The following PTPRF variants were observed in gnomAD, a reference collection of about 807,000 sequenced individuals.
PTPRF encodes the protein protein tyrosine phosphatase receptor type F.
PTPRF carries 59 observed loss-of-function variants against 201.8 expected under a neutral mutation model. That is an observed-to-expected ratio of 0.29 (90% CI 0.24 to 0.36). The LOEUF (loss-of-function observed/expected upper bound fraction) is 0.36. PTPRF is among the 10% of genes least tolerant of loss of function. The probability of loss-of-function intolerance (pLI) is 1.00; values close to 1 mark genes in which losing one functional copy is unlikely to be tolerated. For synonymous variants in PTPRF, 1,088 were observed against 1,089.7 expected (o/e 1.00, Z 0.03); for missense variants, 2,132 against 2,690.5 (o/e 0.79, Z 4.59).
At chr1:43,563,943 G>A (rs1190640871) in intron 5 of PTPRF, among the ~76,000 whole-genome samples, 1 of 152,150 alleles carries the variant, frequency 6.6e-6, no homozygotes, top group African/African-American at 2.4e-5. Flanking sequence ...CAACTGGGTT[G>A]AGTAGGGCGA....
At chr1:43,590,553 C>G (rs1207487752) in intron 8 of PTPRF, among the ~76,000 whole-genome samples, 1 of 152,210 alleles carries the variant, frequency 6.6e-6, no homozygotes, top group Admixed American at 6.5e-5. Context: ...CTCCCCTTCC[C>G]CTGCCTATTA....
chr1:43,533,916 A>G (rs943156834), intron 1 of PTPRF, among the ~76,000 whole-genome samples: 1 of 152,168 alleles, frequency 6.6e-6, no homozygotes, highest in African/African-American at 2.4e-5. Flanking sequence ...TGGGACTAAC[A>G]GCTATGTAGA....
At chr1:43,587,383 T>C (rs1649423763) in intron 7 of PTPRF, among the ~76,000 whole-genome samples, 1 of 152,146 alleles carries the variant, frequency 6.6e-6, no homozygotes, top group South Asian at 2.1e-4. Context: ...TGGAGAGAAA[T>C]ACATGGATTT....
At position 43,606,820 on chromosome 1, in the gene PTPRF, T is replaced by C. The variant is rs1307184836; in HGVS notation, c.3709T>C (p.Tyr1237His). The C allele has an allele frequency of 1.2e-6, 2 of 1,613,418 alleles. No homozygotes were observed. Among genetic ancestry groups the C allele is most frequent in the Non-Finnish European group, 1.7e-6 (2 of 1,179,862 alleles). Reference protein sequence around the residue: ...SLKEPMDQKRYASSPYSDEIV... With the variant: ...SLKEPMDQKRHASSPYSDEIV... ...GTTCTCCACCGGGCCACAGAAGCGC[T>C]ATGCCTCCAGCCCCTACTCGGATGA... The change falls in exon 21 of 34, where the codon TAT becomes CAT. Residue 1237 changes from tyrosine to histidine, a missense_variant. Physicochemically the swap from Tyr to His is moderately conservative, Grantham distance 83 (BLOSUM62 2). This residue lies in a region of PTPRF where 818 missense variants were observed against 915.3 expected (regional missense o/e 0.89). Transcript: ENST00000359947.
intron 5 of PTPRF, among the ~76,000 whole-genome samples, chr1:43,559,913 G>T (rs993750169): frequency 6.7e-6 from 1 of 149,992 alleles, no homozygotes; most frequent in Non-Finnish European, 1.5e-5. Context: ...GTGTGCGCGC[G>T]TGTGTACAGC....
Position 43,618,765 on chromosome 1 carries a change from A to C in PTPRF, c.4491+16A>C. The C allele has an allele frequency of 6.3e-7, 1 of 1,590,338 alleles. No homozygotes were observed. Among genetic ancestry groups the C allele is most frequent in the Non-Finnish European group, 8.6e-7 (1 of 1,160,668 alleles). On this transcript the variant is annotated intron_variant, in intron 26 of 33. Coordinates refer to ENST00000359947, the MANE Select transcript of PTPRF (RefSeq NM_002840.5). Reference sequence around the variant, plus strand: ...ACTCCACAAGGTATAGCCTTTCCCCAGTGCATATCTCTTACCCAGACACTG... The same window carrying C: ...ACTCCACAAGGTATAGCCTTTCCCCCGTGCATATCTCTTACCCAGACACTG...
At chr1:43,621,016 T>G in intron 32 of PTPRF, 24 bp downstream of exon 32, 1 of 1,610,168 alleles carries the variant, frequency 6.2e-7, no homozygotes, top group East Asian at 2.2e-5. Context: ...CCTGGAGGGC[T>G]GGGGTGGGTG....
chr1:43,620,857 T>G lies in PTPRF; in HGVS notation c.5384T>G (p.Ile1795Ser). ...TDARDGQSRT[I>S]RQFQFTDWPE... Reference sequence around the variant, plus strand: ...TCCCAGGATGGGCAGTCAAGGACAATCCGGCAGTTCCAGTTCACAGACTGG... The same window carrying G: ...TCCCAGGATGGGCAGTCAAGGACAAGCCGGCAGTTCCAGTTCACAGACTGG... The change falls in exon 32 of 34, where the codon ATC (isoleucine) becomes AGC (serine). Residue 1795 changes from isoleucine to serine, a missense_variant. Physicochemically the swap from Ile to Ser is moderately radical, Grantham distance 142. Coordinates refer to ENST00000359947, the MANE Select transcript of PTPRF (RefSeq NM_002840.5). 1 of 1,613,138 alleles carries G rather than the reference T, an allele frequency of 6.2e-7. No individual in the cohort carries two copies. Among genetic ancestry groups the G allele is most frequent in the Non-Finnish European group, 8.5e-7 (1 of 1,179,410 alleles).
In PTPRF at chr1:43,553,507, T is replaced by C. The variant is rs1453417778; in HGVS notation, c.107T>C (p.Ile36Thr). The C allele has an allele frequency of 6.2e-7, 1 of 1,614,074 alleles. No individual in the cohort carries two copies. Reference protein sequence around the residue: ...GAHGDSKPVFIKVPEDQTGLS... With the variant: ...GAHGDSKPVFTKVPEDQTGLS... ...TCTCTTCCAGGCAAACCTGTCTTCA[T>C]TAAAGTCCCTGAGGACCAGACTGGG... is the stretch of plus-strand genomic sequence containing the variant. The change falls in exon 4 of 34, where the codon ATT (isoleucine) becomes ACT (threonine). Residue 36 changes from isoleucine (I) to threonine (T), a missense_variant. By Grantham distance (89) the Ile-to-Thr change is moderately conservative. This residue lies in a region of PTPRF where 297 missense variants were observed against 454.0 expected (regional missense o/e 0.65). Coordinates refer to ENST00000359947, the MANE Select transcript of PTPRF (RefSeq NM_002840.5). This position sits in a 1 kb window ranked among gnomAD's most constrained non-coding sequence, Gnocchi z 4.1.
In PTPRF at chr1:43,622,266, C is replaced by T. The variant is rs1406910077; in HGVS notation, c.*263C>T. 4.0e-6 allele frequency: 2 copies of T among 501,600 alleles called. No individual in the cohort carries two copies. The highest frequency in any genetic ancestry group is 1.9e-5 in the African/African-American group (1 of 51,818). 31.1% of individuals were successfully genotyped at this position (501,600 alleles called of 1,614,324 possible). A position where few individuals can be genotyped will look rare whatever the true frequency, so the allele number is the denominator to read the frequency against. Reference sequence around the variant, plus strand: ...CCACCTGGAGCCCGCTTCAAGCTCTCTGTTGCGCTCCCGCATTTCTCATGC... The same window carrying T: ...CCACCTGGAGCCCGCTTCAAGCTCTTTGTTGCGCTCCCGCATTTCTCATGC... On this transcript the variant is annotated 3_prime_UTR_variant, in exon 34 of 34. Coordinates refer to ENST00000359947, the MANE Select transcript of PTPRF (RefSeq NM_002840.5).
intron 16 of PTPRF, 65 bp from the exon 17 acceptor site, chr1:43,604,838 C>A: frequency 7.2e-7 from 1 of 1,386,436 alleles, no homozygotes; most frequent in Non-Finnish European, 1.0e-6. Context: ...TCACCTTCCA[C>A]CCTTCCAGCC....
chr1:43,597,726 C>A (rs769318028), intron 11 of PTPRF, 22 bp from the exon 12 acceptor site: 5 of 1,318,460 alleles, frequency 3.8e-6, no homozygotes, highest in Non-Finnish European at 5.3e-6. Flanking sequence ...CTGCTTGCTT[C>A]CCCCCCATTT....
intron 11 of PTPRF, among the ~76,000 whole-genome samples, chr1:43,594,468 T>G (rs1301643547): frequency 1.3e-5 from 2 of 151,518 alleles, no homozygotes; most frequent in Non-Finnish European, 2.9e-5. Flanking sequence ...GTCAGGGCCT[T>G]GGGGACACAG....
intron 5 of PTPRF, among the ~76,000 whole-genome samples, chr1:43,568,848 T>C (rs1376501439): frequency 2.0e-5 from 3 of 152,324 alleles, no homozygotes; most frequent in Non-Finnish European, 1.5e-5. Flanking sequence ...GGGAGTTTTT[T>C]CTCCCCCTAC....
At chr1:43,548,704 AG>A (rs910681886) in intron 3 of PTPRF, among the ~76,000 whole-genome samples, 1 of 152,090 alleles carries the variant, frequency 6.6e-6, no homozygotes, top group Admixed American at 6.5e-5. Context: ...AGTGGGCTCC[AG>A]GGGGGTACCA....
chr1:43,531,656 C>T (rs1643542551), intron 1 of PTPRF, among the ~76,000 whole-genome samples: 1 of 149,410 alleles, frequency 6.7e-6, no homozygotes, highest in Non-Finnish European at 1.5e-5. Context: ...CTGCGCCGGG[C>T]GCGAGTTTGA....
At chr1:43,612,831 A>G (rs1230072473) in intron 22 of PTPRF, 12 of 1,353,988 alleles carry the variant, frequency 8.9e-6, no homozygotes, top group Non-Finnish European at 1.2e-5. Flanking sequence ...TGTTTGGGGG[A>G]TACTTTGGCT....
At chr1:43,620,780 A>G in intron 31 of PTPRF, 58 bp from the exon 32 acceptor site, 2 of 1,577,134 alleles carry the variant, frequency 1.3e-6, no homozygotes, top group Non-Finnish European at 1.7e-6. Context: ...GGTCTAGTCC[A>G]GAGGGGTGGC....
At chr1:43,524,771 G>A (rs1643048905), upstream of PTPRF, among the ~76,000 whole-genome samples, 1 of 152,170 alleles carries the variant, frequency 6.6e-6, no homozygotes, top group South Asian at 2.1e-4. Context: ...TGGAGAGCCA[G>A]GAAAATTCTG....
Sources: allele counts gnomAD v4.1 joint callset (sites outside exome capture counted in the v4.1 genomes callset), GRCh38; gene constraint gnomAD v4.1.1; regional missense constraint gnomAD v4.1.1; non-coding constraint Gnocchi (gnomAD v3.1); transcripts MANE v1.5; gene names NCBI Gene and HGNC (gene_info 2026-07-23, HGNC 2026-07-21).